Variants in ASB5 observed in about 807,000 individuals in gnomAD.
The protein encoded by ASB5 is ankyrin repeat and SOCS box containing 5, also known as ankyrin repeat and SOCS box protein 5.
A neutral mutation model predicts 42.1 loss-of-function variants in ASB5; 45 were observed. That is an observed-to-expected ratio of 1.07 (90% CI 0.84 to 1.37). The LOEUF is 1.37. Among genes scored for constraint, ASB5 ranks in the 40% most tolerant of loss-of-function variants. ASB5 has a pLI of 0.00. For missense variants in ASB5, 402 were observed against 399.8 expected (o/e 1.01, Z -0.05); for synonymous variants, 147 against 150.6 (o/e 0.98, Z 0.18).
At chr4:176,258,597 G>T (rs1022965111) in intron 1 of ASB5, among the ~76,000 whole-genome samples, 5 of 152,106 alleles carry the variant, frequency 3.3e-5, no homozygotes, top group Non-Finnish European at 7.4e-5. Flanking sequence ...CTCTAGTCAA[G>T]TATTTGGCAA....
At position 176,266,782 on chromosome 4, in the gene ASB5, A is replaced by G. The variant is rs111914102; in HGVS notation, c.196+2131T>C. 9.8e-3 allele frequency among the ~76,000 whole-genome samples: 1,492 copies of G among 152,168 alleles called. 6 individuals are homozygous for G. Among genetic ancestry groups the G allele is most frequent in the Non-Finnish European group, 0.018 (1,192 of 67,972 alleles). ...CAAAATTTGTAAAAACTTTGCTTCC[A>G]TTTTATATTTCCAGGAAAAGTGTTT... On this transcript the variant is annotated intron_variant, in intron 1 of 6. Transcript: ENST00000296525.
At chr4:176,255,134 G>GAAAC (rs888781834) in intron 1 of ASB5, among the ~76,000 whole-genome samples, 1 of 151,888 alleles carries the variant, frequency 6.6e-6, no homozygotes, top group African/African-American at 2.4e-5. Flanking sequence ...CATCTTCAAA[G>GAAAC]AAACAAACAA....
At chr4:176,233,632 G>C (rs952979147) in intron 1 of ASB5, among the ~76,000 whole-genome samples, 2 of 152,104 alleles carry the variant, frequency 1.3e-5, no homozygotes, top group Non-Finnish European at 2.9e-5. Context: ...GGAGTCAGTT[G>C]TTTTTGGCCC....
In ASB5 at chr4:176,215,264, T is replaced by A. The variant is rs1200642070; in HGVS notation, c.*336A>T. ...ATTAGTTGAAGAACATAGACCTTTTTAAATATAATATGAATAACTTTACTA... is the reference window on the plus strand; with the variant it reads ...ATTAGTTGAAGAACATAGACCTTTTAAAATATAATATGAATAACTTTACTA... On this transcript the variant is annotated 3_prime_UTR_variant, in exon 7 of 7. Coordinates refer to ENST00000296525, the MANE Select transcript of ASB5 (RefSeq NM_080874.4). The A allele has an allele frequency of 6.2e-6, 1 of 161,592 alleles. No homozygotes were observed. Among genetic ancestry groups the A allele is most frequent in the Non-Finnish European group, 1.3e-5 (1 of 74,694 alleles). The allele number at this position is 161,592 out of a possible 1,614,324, so 10.0% of individuals were successfully genotyped here. A position where few individuals can be genotyped will look rare whatever the true frequency, so the allele number is the denominator to read the frequency against.
rs1251089881 is a variant in ASB5 at position 176,277,150 on chromosome 4, C to A, written c.-201+79G>T. ...TTTCCTTTTAAAGGCAGCCCCGCAA[C>A]TGGTGAGCCCCTGATTTTATCCTTT... On this transcript the variant is annotated intron_variant, in intron 1 of 2. Coordinates refer to the ASB5 transcript ENST00000505299. 5 of 152,342 alleles carry A rather than the reference C, an allele frequency of 3.3e-5. No individual in the cohort carries two copies. In the East Asian group the frequency reaches 9.6e-4, roughly 29 times the overall value. The allele number at this position is 152,342 out of a possible 1,614,324, so 9.4% of individuals were successfully genotyped here.
At chr4:176,215,789 G>A (rs1379131741) in intron 6 of ASB5, 62 bp from the exon 7 acceptor site, 3 of 1,486,254 alleles carry the variant, frequency 2.0e-6, no homozygotes, top group Admixed American at 4.1e-5. Flanking sequence ...ATGTTGTAAG[G>A]TACATAACAT....
At chr4:176,262,116 T>C (rs1304219091) in intron 1 of ASB5, among the ~76,000 whole-genome samples, 2 of 152,140 alleles carry the variant, frequency 1.3e-5, no homozygotes, top group Non-Finnish European at 2.9e-5. Context: ...AATAATTCAC[T>C]GTCTTCTAAA....
intron 3 of ASB5, among the ~76,000 whole-genome samples, chr4:176,221,878 A>AT (rs1016027635): frequency 2.0e-5 from 3 of 152,174 alleles, no homozygotes; most frequent in African/African-American, 7.2e-5. Flanking sequence ...TAATTCAATG[A>AT]TTAGATACTT....
intron 1 of ASB5, among the ~76,000 whole-genome samples, chr4:176,243,185 T>C (rs1445989045): frequency 6.6e-6 from 1 of 152,210 alleles, no homozygotes; most frequent in Non-Finnish European, 1.5e-5. Flanking sequence ...TACTGAGACA[T>C]ACTTTACAGT....
At chr4:176,241,538 C>A (rs1303437441) in intron 1 of ASB5, 1 of 1,528,792 alleles carries the variant, frequency 6.5e-7, no homozygotes, top group African/African-American at 1.4e-5. Context: ...GGCTGTGCTG[C>A]TTTGGGTTTC....
chr4:176,236,717 C>T (rs746511632), intron 1 of ASB5, among the ~76,000 whole-genome samples: 6 of 152,068 alleles, frequency 3.9e-5, no homozygotes, highest in East Asian at 1.9e-4. Context: ...TCTGCATTTT[C>T]GACCCTTAAA....
Position 176,237,600 on chromosome 4 carries a change from C to A in ASB5, c.197-12259G>T, listed in dbSNP as rs143309389. The stretch of plus-strand genomic sequence containing the variant: ...GAACTCTATTCAGAAACACTTGGAT[C>A]AGGGCTGGTAGGTGCAATGTGGAGG... On this transcript the variant is annotated intron_variant, in intron 1 of 6. Coordinates refer to ENST00000296525, the MANE Select transcript of ASB5 (RefSeq NM_080874.4). 2.4e-5 allele frequency: 24 copies of A among 984,044 alleles called. No individual in the cohort carries two copies. In the East Asian group the frequency reaches 2.6e-3, roughly 107 times the overall value. 61.0% of individuals were successfully genotyped at this position (984,044 alleles called of 1,614,324 possible). A position where few individuals can be genotyped will look rare whatever the true frequency, so the allele number is the denominator to read the frequency against.
At chr4:176,269,644 T>TC (rs1553964202), upstream of ASB5, among the ~76,000 whole-genome samples, 3 of 151,884 alleles carry the variant, frequency 2.0e-5, no homozygotes, top group African/African-American at 7.3e-5. Context: ...TTTACTGATT[T>TC]AAAAAAACAT....
intron 5 of ASB5, 151 bp downstream of exon 5, chr4:176,221,004 C>A (rs987623827): frequency 1.6e-5 from 17 of 1,043,626 alleles, no homozygotes; most frequent in Admixed American, 1.1e-4. Context: ...GAATGAGGTT[C>A]TTTTTTATTG....
chr4:176,234,905 G>A (rs926534662), intron 1 of ASB5, among the ~76,000 whole-genome samples: 6 of 152,194 alleles, frequency 3.9e-5, no homozygotes, highest in African/African-American at 1.4e-4. Context: ...CTAACACAAA[G>A]TGTGTTCTTA....
chr4:176,260,631 T>A (rs981642790), intron 1 of ASB5, among the ~76,000 whole-genome samples: 3 of 152,188 alleles, frequency 2.0e-5, no homozygotes, highest in Non-Finnish European at 4.4e-5. Context: ...TTGTTCCCTA[T>A]GCAGCTGATA....
rs1017901533 is a variant in ASB5, at chr4:176,236,171, T to G, written c.197-10830A>C. On this transcript the variant is annotated intron_variant, in intron 1 of 6. Transcript: ENST00000296525. The stretch of plus-strand genomic sequence containing the variant: ...CCAGGTGAATTAGTTTACTTAATTT[T>G]TTTTTTTTAATTTTTGCCATTGACA... Among the ~76,000 whole-genome samples, 7 of 152,344 alleles carry G rather than the reference T, an allele frequency of 4.6e-5. No homozygotes were observed. In the South Asian group the frequency reaches 1.5e-3, roughly 32 times the overall value.
rs189444095 is a variant in ASB5, at chr4:176,244,838, T to G, written c.197-19497A>C. On this transcript the variant is annotated intron_variant, in intron 1 of 6. Coordinates refer to ENST00000296525, the MANE Select transcript of ASB5 (RefSeq NM_080874.4). ...GATGTCGGGGCTTATCCTGAGTAGC[T>G]GGGACTACAGGCACACTACAGGTTC... Among the ~76,000 whole-genome samples the G allele has an allele frequency of 2.4e-4, 36 of 152,228 alleles. No homozygotes were observed. The East Asian group carries it at 6.6e-3, about 28-fold the overall frequency.
At chr4:176,241,413 AT>A (rs1347283120) in intron 1 of ASB5, 34 of 1,464,976 alleles carry the variant, frequency 2.3e-5, no homozygotes, top group Non-Finnish European at 3.1e-5. Context: ...AAGTAAAAAA[AT>A]AAAACCTCCT....
Sources: gnomAD v4.1 joint callset for allele counts (sites outside exome capture counted in the v4.1 genomes callset) on GRCh38, gnomAD v4.1.1 for gene constraint, MANE v1.5 for transcripts, NCBI Gene and HGNC (gene_info 2026-07-23, HGNC 2026-07-21) for gene names.